NTRK2: variants seen among roughly 807,000 people sequenced by gnomAD.
The protein encoded by NTRK2 is neurotrophic receptor tyrosine kinase 2, also known as BDNF/NT-3 growth factors receptor.
Under a neutral mutation model 94.5 loss-of-function variants are expected in NTRK2, and 13 were observed. That is an observed-to-expected ratio of 0.14 (90% CI 0.09 to 0.22). NTRK2 has a LOEUF of 0.22. Ranked by LOEUF, NTRK2 falls within the 10% of genes least tolerant of loss-of-function variation. NTRK2 has a pLI of 1.00. For missense variants in NTRK2, 639 were observed against 1,071.2 expected (o/e 0.60, Z 5.63); for synonymous variants, 372 against 407.4 (o/e 0.91, Z 1.05).
At position 84,948,345 on chromosome 9, in the gene NTRK2, C is replaced by A; in HGVS notation, c.1765-117C>A. 2.9e-6 allele frequency: 3 copies of A among 1,052,082 alleles called. No homozygotes were observed. The South Asian group carries it at 4.1e-5, about 14-fold the overall frequency. The allele number at this position is 1,052,082 out of a possible 1,614,324, so 65.2% of individuals were successfully genotyped here. On this transcript the variant is annotated intron_variant, in intron 15 of 18. Coordinates refer to ENST00000277120, the MANE Select transcript of NTRK2 (RefSeq NM_006180.6). ...TCAGTTATTAGCACAAATGTTATTT[C>A]CTTAGGAACTAGGCTGTTTTCTCAT...
intron 14 of NTRK2, among the ~76,000 whole-genome samples, chr9:84,888,981 A>ATTTTTT (rs1564435262): frequency 1.2e-5 from 1 of 82,902 alleles, no homozygotes; most frequent in Admixed American, 1.4e-4. Context: ...TAATGACAGA[A>ATTTTTT]ATTTTTTTTT....
At chr9:85,020,914 G>A (rs941968005) in intron 18 of NTRK2, among the ~76,000 whole-genome samples, 2 of 152,108 alleles carry the variant, frequency 1.3e-5, no homozygotes, top group Admixed American at 1.3e-4. Flanking sequence ...TTTCCTGTCA[G>A]TCAGTGCCTT....
intron 17 of NTRK2, among the ~76,000 whole-genome samples, chr9:84,984,726 TAG>T (rs1253620064): frequency 6.6e-6 from 1 of 152,238 alleles, no homozygotes; most frequent in Non-Finnish European, 1.5e-5. Context: ...CGTTAAGAAG[TAG>T]TTTGTGTATA....
At chr9:84,983,353 T>C (rs1034286461) in intron 17 of NTRK2, among the ~76,000 whole-genome samples, 1 of 152,160 alleles carries the variant, frequency 6.6e-6, no homozygotes, top group Non-Finnish European at 1.5e-5. Context: ...GCACCTCTTG[T>C]TCTTGGAAAT....
chr9:84,845,238 A>G (rs2074405848), intron 12 of NTRK2, among the ~76,000 whole-genome samples: 6 of 139,902 alleles, frequency 4.3e-5, no homozygotes. Context: ...GGATAAAGAA[A>G]AATGTGGTGT....
chr9:84,670,812 G>A lies in NTRK2; in HGVS notation c.64G>A (p.Val22Ile). ...GCGGCTCTGGGGCTTCTGCTGGCTG[G>A]TTGTGGGCTTCTGGAGGGCCGCTTT... is the stretch of plus-strand genomic sequence containing the variant. ...MARLWGFCWL[V>I]VGFWRAAFAC... The change falls in exon 2 of 19, where the codon GTT becomes ATT. Residue 22 changes from valine to isoleucine, a missense_variant. By Grantham distance (29) the Val-to-Ile change is conservative. This residue lies in a region of NTRK2 where 206 missense variants were observed against 251.5 expected (regional missense o/e 0.82). Transcript: ENST00000277120. 1 of 1,614,126 alleles carries A rather than the reference G, an allele frequency of 6.2e-7. No homozygotes were observed. The highest frequency in any genetic ancestry group is 1.7e-4 in the Middle Eastern group (1 of 6,054).
intron 17 of NTRK2, among the ~76,000 whole-genome samples, chr9:84,971,996 G>A (rs1405580089): frequency 1.3e-5 from 2 of 152,120 alleles, no homozygotes; most frequent in African/African-American, 4.8e-5. Context: ...GGATTCAGCT[G>A]GGTGCATTAA....
rs1349303529 is a variant in NTRK2 at position 84,870,331 on chromosome 9, G to GTGTGTGTATATATA, written c.1633+2901_1633+2902insGTGTGTATATATAT. Among the ~76,000 whole-genome samples, 112 of 31,164 alleles carry GTGTGTGTATATATA rather than the reference G, an allele frequency of 3.6e-3. 3 individuals are homozygous for GTGTGTGTATATATA. The highest frequency in any genetic ancestry group is 6.1e-3 in the South Asian group (2 of 330). 20.4% of individuals were successfully genotyped at this position (31,164 alleles called of 152,430 possible). A position where few individuals can be genotyped will look rare whatever the true frequency, so the allele number is the denominator to read the frequency against. On this transcript the variant is annotated intron_variant, in intron 14 of 18. Transcript: ENST00000277120. Reference sequence around the variant, plus strand: ...ATACATATATGTGGGGTGTGTGTGTGTATATATATATATATATATATATAT... The same window carrying GTGTGTGTATATATA: ...ATACATATATGTGGGGTGTGTGTGTGTGTGTGTATATATATATATATATATATATATATATATAT...
intron 4 of NTRK2, among the ~76,000 whole-genome samples, chr9:84,705,782 CTTTTTTTTTTTTT>C (rs36124860): frequency 9.1e-6 from 1 of 109,620 alleles, no homozygotes; most frequent in Non-Finnish European, 1.8e-5. Flanking sequence ...GAAACCCATT[CTTTTTTTTTTTTT>C]TTTTTTTTTT....
chr9:84,714,271 C>G lies in NTRK2; in HGVS notation c.583+3480C>G, dbSNP rs1394348133. On this transcript the variant is annotated intron_variant, in intron 6 of 18. Coordinates refer to ENST00000277120, the MANE Select transcript of NTRK2 (RefSeq NM_006180.6). ...CTCCATACGGGGTTTGCTACATCAG[C>G]AGGGAGTCCTGCAATCCTGCCTCTA... is the stretch of plus-strand genomic sequence containing the variant. Among the ~76,000 whole-genome samples the G allele has an allele frequency of 3.3e-5, 5 of 152,164 alleles. No homozygotes were observed. In the East Asian group the frequency reaches 5.8e-4, roughly 18 times the overall value.
chr9:84,729,347 C>T (rs2062682223), intron 9 of NTRK2, among the ~76,000 whole-genome samples: 1 of 152,194 alleles, frequency 6.6e-6, no homozygotes, highest in South Asian at 2.1e-4. Context: ...CCCAGACACC[C>T]CTGGCTGTTG....
chr9:84,917,428 T>C (rs1221642706), intron 14 of NTRK2, among the ~76,000 whole-genome samples: 1 of 152,112 alleles, frequency 6.6e-6, no homozygotes, highest in Non-Finnish European at 1.5e-5. Flanking sequence ...GGCAGCTTCT[T>C]GGTTGCAATG....
rs369664169 is a variant in NTRK2, at chr9:85,021,458, T to C, written c.*21T>C. The C allele has an allele frequency of 2.1e-5, 34 of 1,613,380 alleles. No individual in the cohort carries two copies. In the African/African-American group the frequency reaches 3.1e-4, roughly 15 times the overall value. On this transcript the variant is annotated 3_prime_UTR_variant, in exon 19 of 19. Coordinates refer to ENST00000277120, the MANE Select transcript of NTRK2 (RefSeq NM_006180.6). Reference sequence around the variant, plus strand: ...GCTAGGGCCCTTTTCCCCAGACCGATCCTTCCCAACGTACTCCTCAGACGG... The same window carrying C: ...GCTAGGGCCCTTTTCCCCAGACCGACCCTTCCCAACGTACTCCTCAGACGG...
chr9:84,876,815 C>T, intron 14 of NTRK2: 1 of 1,062,130 alleles, frequency 9.4e-7, no homozygotes, highest in Non-Finnish European at 1.1e-6. Context: ...CTTTCTTTTC[C>T]AAGTGCTGTC....
At chr9:84,727,309 G>C (rs886489367) in intron 8 of NTRK2, among the ~76,000 whole-genome samples, 6 of 152,186 alleles carry the variant, frequency 3.9e-5, no homozygotes, top group Non-Finnish European at 1.5e-5. Context: ...TCAAGATACA[G>C]ATATTAGAAA....
At chr9:84,739,185 G>A (rs2063461759) in intron 9 of NTRK2, among the ~76,000 whole-genome samples, 1 of 151,954 alleles carries the variant, frequency 6.6e-6, no homozygotes, top group Non-Finnish European at 1.5e-5. Context: ...AGAATAGCTG[G>A]GACTACAGGC....
chr9:85,001,415 C>G (rs1041236678), intron 17 of NTRK2, among the ~76,000 whole-genome samples: 1 of 152,208 alleles, frequency 6.6e-6, no homozygotes, highest in South Asian at 2.1e-4. Flanking sequence ...GCCACTGGTC[C>G]TCTCAGCTCC....
At chr9:84,874,020 G>A (rs2075972539) in intron 14 of NTRK2, 2 of 1,063,986 alleles carry the variant, frequency 1.9e-6, no homozygotes, top group South Asian at 9.1e-5. Context: ...CATCAGTGAT[G>A]TTCTAGAAGC....
intron 6 of NTRK2, among the ~76,000 whole-genome samples, chr9:84,721,120 T>G (rs2062032227): frequency 6.6e-6 from 1 of 152,144 alleles, no homozygotes; most frequent in Non-Finnish European, 1.5e-5. Flanking sequence ...AAGTAAGTAT[T>G]GCATATTAGA....
Sources: gnomAD v4.1 joint callset for allele counts (sites outside exome capture counted in the v4.1 genomes callset) on GRCh38, gnomAD v4.1.1 for gene constraint, gnomAD v4.1.1 regional missense constraint, MANE v1.5 for transcripts, NCBI Gene and HGNC (gene_info 2026-07-23, HGNC 2026-07-21) for gene names.